The following ILDR1 variants were observed in gnomAD, a reference collection of about 807,000 sequenced individuals.
ILDR1 encodes immunoglobulin like domain containing receptor 1.
A neutral mutation model predicts 62.4 loss-of-function variants in ILDR1; 56 were observed. The observed-to-expected ratio is 0.90, with a 90% CI of 0.72 to 1.12. The LOEUF (loss-of-function observed/expected upper bound fraction) is 1.12, where lower values mean the gene tolerates loss of function less well. Ranked by LOEUF, ILDR1 falls within the 50% of genes most tolerant of loss-of-function variation. The pLI is 0.00. For missense variants in ILDR1, 736 were observed against 710.6 expected, an observed-to-expected ratio of 1.04 and a Z score of -0.41; for synonymous variants, 284 against 277.8, an observed-to-expected ratio of 1.02 and a Z score of -0.22.
chr3:122,022,976 A>T (rs1384038091), upstream of ILDR1, among the ~76,000 whole-genome samples: 1 of 150,872 alleles, frequency 6.6e-6, no homozygotes, highest in Admixed American at 6.6e-5. Flanking sequence ...TCTAGAAGGT[A>T]GAGATAAACT....
intron 7 of ILDR1, among the ~76,000 whole-genome samples, 157 bp from the exon 8 acceptor site, chr3:121,988,565 G>T (rs1576709636): frequency 6.6e-6 from 1 of 152,316 alleles, no homozygotes; most frequent in Non-Finnish European, 1.5e-5. Context: ...TACTCTTCAT[G>T]AAACCAATCT....
the ILDR1 span, among the ~76,000 whole-genome samples, chr3:122,044,727 G>T: frequency 2.0e-5 from 3 of 151,896 alleles, no homozygotes; most frequent in Non-Finnish European, 3.0e-5. Context: ...AGTATTCTCT[G>T]ATGGTAGTTT....
intron 2 of ILDR1, among the ~76,000 whole-genome samples, 159 bp downstream of exon 2, chr3:122,006,832 G>A (rs1242305636): frequency 6.6e-6 from 1 of 152,064 alleles, no homozygotes; most frequent in African/African-American, 2.4e-5. Context: ...CCTGGGCTCC[G>A]TTTGTTTATC....
chr3:122,037,139 G>T, the ILDR1 span, among the ~76,000 whole-genome samples: 4 of 152,344 alleles, frequency 2.6e-5, no homozygotes, highest in East Asian at 5.8e-4. Flanking sequence ...CTTTATTAGG[G>T]CAGTGCAGAG....
chr3:122,032,904 T>C, the ILDR1 span, among the ~76,000 whole-genome samples: 1 of 152,196 alleles, frequency 6.6e-6, no homozygotes, highest in East Asian at 1.9e-4. Flanking sequence ...GACTTCTAAC[T>C]CATGAGAGAC....
the ILDR1 span, among the ~76,000 whole-genome samples, chr3:122,054,214 T>A: frequency 1.3e-5 from 2 of 152,258 alleles, no homozygotes; most frequent in African/African-American, 2.4e-5. Flanking sequence ...TATTTAGCAT[T>A]TTGGTCTAAA....
At chr3:122,040,261 TAA>T in the ILDR1 span, among the ~76,000 whole-genome samples, 1 of 151,942 alleles carries the variant, frequency 6.6e-6, no homozygotes, top group African/African-American at 2.4e-5. Flanking sequence ...CAATTTTACA[TAA>T]AGTTACATGT....
intron 1 of ILDR1, 139 bp from the exon 2 acceptor site, chr3:122,007,300 T>G: frequency 2.6e-6 from 4 of 1,545,394 alleles, no homozygotes; most frequent in Non-Finnish European, 3.5e-6. Flanking sequence ...TCTGGGTTCT[T>G]ACTCACCTGG....
chr3:122,040,737 GA>G, the ILDR1 span, among the ~76,000 whole-genome samples: 51,901 of 124,596 alleles, frequency 0.42, 10,726 homozygotes, highest in African/African-American at 0.62. Context: ...AAAAAAAAAA[GA>G]AAAAAAAAAA....
chr3:122,036,521 G>A, the ILDR1 span, among the ~76,000 whole-genome samples: 1 of 151,868 alleles, frequency 6.6e-6, no homozygotes, highest in East Asian at 1.9e-4. Flanking sequence ...CGCGGGAGGT[G>A]GAGCTTGCAG....
At chr3:122,015,904 A>G (rs1374751652) in intron 1 of ILDR1, among the ~76,000 whole-genome samples, 2 of 152,120 alleles carry the variant, frequency 1.3e-5, no homozygotes, top group Non-Finnish European at 2.9e-5. Flanking sequence ...TACTGTACTC[A>G]TGCATGCTCT....
chr3:122,020,040 TAAG>T (rs914624523), intron 1 of ILDR1, among the ~76,000 whole-genome samples: 2 of 152,168 alleles, frequency 1.3e-5, no homozygotes, highest in South Asian at 2.1e-4. Flanking sequence ...TCACAACTAG[TAAG>T]AAGGAGATTC....
the ILDR1 span, among the ~76,000 whole-genome samples, chr3:122,059,570 A>G: frequency 1.3e-5 from 2 of 151,164 alleles, no homozygotes; most frequent in African/African-American, 4.9e-5. Flanking sequence ...TCAAGTGGGG[A>G]GATGGATGCA....
intron 7 of ILDR1, among the ~76,000 whole-genome samples, chr3:121,990,580 T>C (rs2071327903): frequency 1.3e-5 from 2 of 152,236 alleles, no homozygotes; most frequent in African/African-American, 4.8e-5. Context: ...TGACTCCAAA[T>C]GATAATCTCT....
chr3:122,021,191 A>C (rs991545145), intron 1 of ILDR1, among the ~76,000 whole-genome samples: 3 of 152,200 alleles, frequency 2.0e-5, no homozygotes, highest in Admixed American at 6.5e-5. Context: ...GAAATAAAAC[A>C]GGGTGGAGCT....
intron 5 of ILDR1, among the ~76,000 whole-genome samples, chr3:121,994,552 A>G (rs1301001076): frequency 1.3e-5 from 2 of 152,192 alleles, no homozygotes; most frequent in South Asian, 2.1e-4. Flanking sequence ...TATTCTTAAA[A>G]CTTGACTTCC....
At chr3:122,018,795 A>C (rs1255596709) in intron 1 of ILDR1, among the ~76,000 whole-genome samples, 1 of 152,164 alleles carries the variant, frequency 6.6e-6, no homozygotes, top group East Asian at 1.9e-4. Context: ...GCTCCCAAGG[A>C]GACAAGGGAG....
chr3:122,058,832 T>A, the ILDR1 span, among the ~76,000 whole-genome samples: 26 of 152,062 alleles, frequency 1.7e-4, no homozygotes, highest in African/African-American at 6.0e-4. Flanking sequence ...ACTATTGGAG[T>A]AAGCCAAGGA....
the ILDR1 span, among the ~76,000 whole-genome samples, chr3:122,061,416 A>G: frequency 1.3e-5 from 2 of 152,226 alleles, no homozygotes; most frequent in Admixed American, 6.5e-5. Context: ...GTAACTTTTA[A>G]AAAGAAATAA....
Sources: allele counts gnomAD v4.1 joint callset (sites outside exome capture counted in the v4.1 genomes callset), GRCh38; gene constraint gnomAD v4.1.1; transcripts MANE v1.5; gene names NCBI Gene and HGNC (gene_info 2026-07-23, HGNC 2026-07-21).